CLNK: variants seen among roughly 807,000 people sequenced by gnomAD.
CLNK encodes cytokine dependent hematopoietic cell linker.
In CLNK, 74 loss-of-function variants were observed where a neutral mutation model predicts 68.6. The observed-to-expected ratio is 1.08, with a 90% CI of 0.89 to 1.31. The LOEUF (loss-of-function observed/expected upper bound fraction) is 1.31, where lower values mean the gene tolerates loss of function less well. Ranked by LOEUF, CLNK falls within the 50% of genes most tolerant of loss-of-function variation. The pLI is 0.00. For missense variants in CLNK, 553 were observed against 515.3 expected (o/e 1.07, Z -0.71); for synonymous variants, 198 against 172.2 (o/e 1.15, Z -1.17).
Position 10,489,898 on chromosome 4 carries a change from C to A in CLNK, c.*569G>T, listed in dbSNP as rs1716495248. ...AGCCAGGATGGTCTTGATCTCCTGACCTCGTGATCTGTCCACCTCAGCCTC... is the reference window on the plus strand; with the variant it reads ...AGCCAGGATGGTCTTGATCTCCTGAACTCGTGATCTGTCCACCTCAGCCTC... On this transcript the variant is annotated 3_prime_UTR_variant, in exon 19 of 19. Transcript: ENST00000226951. 6.6e-6 allele frequency: 1 copy of A among 152,344 alleles called. No individual in the cohort carries two copies. Among genetic ancestry groups the A allele is most frequent in the Non-Finnish European group, 1.5e-5 (1 of 68,264 alleles). The allele number at this position is 152,344 out of a possible 1,614,324, so 9.4% of individuals were successfully genotyped here.
intron 5 of CLNK, among the ~76,000 whole-genome samples, chr4:10,566,726 G>A (rs1432802197): frequency 6.6e-6 from 1 of 152,144 alleles, no homozygotes; most frequent in Non-Finnish European, 1.5e-5. Flanking sequence ...GCTCATGCTT[G>A]TAATCCCAGC....
At chr4:10,699,717 T>A in the CLNK span, among the ~76,000 whole-genome samples, 1 of 151,426 alleles carries the variant, frequency 6.6e-6, no homozygotes, top group African/African-American at 2.4e-5. Flanking sequence ...TTTCACCATG[T>A]GGGCCAGGCT....
At chr4:10,494,879 G>T (rs1047361543) in intron 18 of CLNK, among the ~76,000 whole-genome samples, 1 of 152,162 alleles carries the variant, frequency 6.6e-6, no homozygotes, top group South Asian at 2.1e-4. Flanking sequence ...TTTCCAGGGG[G>T]ACAACCAATG....
At chr4:10,691,412 A>G in the CLNK span, among the ~76,000 whole-genome samples, 1 of 152,288 alleles carries the variant, frequency 6.6e-6, no homozygotes, top group Non-Finnish European at 1.5e-5. Context: ...AGTCCTAACT[A>G]GGTGAAGTGA....
At chr4:10,678,735 G>A (rs1553866467) in intron 1 of CLNK, among the ~76,000 whole-genome samples, 1 of 152,008 alleles carries the variant, frequency 6.6e-6, no homozygotes, top group Non-Finnish European at 1.5e-5. Context: ...ACCAATAACA[G>A]ACAAACAGAG....
At chr4:10,563,610 T>C (rs1274138783) in intron 7 of CLNK, among the ~76,000 whole-genome samples, 1 of 152,116 alleles carries the variant, frequency 6.6e-6, no homozygotes, top group Non-Finnish European at 1.5e-5. Context: ...GATATCTGCA[T>C]AGAAAATACT....
the CLNK span, among the ~76,000 whole-genome samples, chr4:10,708,301 A>G: frequency 6.6e-6 from 1 of 152,188 alleles, no homozygotes; most frequent in Non-Finnish European, 1.5e-5. Context: ...AAAACTAACA[A>G]TATTTATTAT....
intron 17 of CLNK, among the ~76,000 whole-genome samples, chr4:10,503,579 C>T (rs1402886029): frequency 6.8e-6 from 1 of 147,468 alleles, no homozygotes; most frequent in Non-Finnish European, 1.5e-5. Context: ...TAATTATATA[C>T]TTCAATAATG....
At chr4:10,713,004 A>T in the CLNK span, among the ~76,000 whole-genome samples, 2 of 152,174 alleles carry the variant, frequency 1.3e-5, no homozygotes, top group Non-Finnish European at 2.9e-5. Flanking sequence ...CCACCAAGTT[A>T]TGCTTAAAAA....
chr4:10,645,723 T>C (rs759858190), intron 2 of CLNK, among the ~76,000 whole-genome samples: 5 of 152,118 alleles, frequency 3.3e-5, no homozygotes, highest in Non-Finnish European at 5.9e-5. Flanking sequence ...GGTTAATGGG[T>C]ACAAAAATAC....
intron 1 of CLNK, among the ~76,000 whole-genome samples, chr4:10,682,980 G>T (rs959114502): frequency 2.0e-5 from 3 of 152,170 alleles, no homozygotes; most frequent in African/African-American, 7.2e-5. Flanking sequence ...GATTTGGAGT[G>T]AGGAAAGGAA....
intron 2 of CLNK, among the ~76,000 whole-genome samples, chr4:10,648,806 T>G (rs899517614): frequency 1.3e-5 from 2 of 152,118 alleles, no homozygotes; most frequent in Admixed American, 1.3e-4. Context: ...ACTAATAAAA[T>G]TCTTCTCAAA....
chr4:10,627,450 A>G (rs1722717898), intron 2 of CLNK, among the ~76,000 whole-genome samples: 1 of 152,208 alleles, frequency 6.6e-6, no homozygotes, highest in African/African-American at 2.4e-5. Flanking sequence ...ATGGTTACTT[A>G]TTTAATATCA....
At chr4:10,734,440 T>C in the CLNK span, among the ~76,000 whole-genome samples, 3 of 152,332 alleles carry the variant, frequency 2.0e-5, no homozygotes, top group South Asian at 2.1e-4. Context: ...AGAATTCAGG[T>C]CACTTTTACT....
intron 4 of CLNK, among the ~76,000 whole-genome samples, chr4:10,578,571 T>A (rs924807992): frequency 1.4e-5 from 2 of 147,276 alleles, no homozygotes; most frequent in African/African-American, 5.0e-5. Flanking sequence ...GGACTTGGCT[T>A]ACCTTATCTT....
chr4:10,587,649 T>C (rs1274390690), intron 3 of CLNK, among the ~76,000 whole-genome samples: 5 of 152,226 alleles, frequency 3.3e-5, no homozygotes, highest in Admixed American at 2.0e-4. Context: ...TACTGCCTTC[T>C]GTTCACCATT....
the CLNK span, among the ~76,000 whole-genome samples, chr4:10,691,163 G>A: frequency 1.3e-5 from 2 of 152,030 alleles, no homozygotes; most frequent in African/African-American, 2.4e-5. Context: ...GGTCTAATAT[G>A]CATTAATAGG....
In CLNK at chr4:10,603,470, T is replaced by G. The variant is rs562801416; in HGVS notation, c.12-5421A>C. 6.6e-5 allele frequency among the ~76,000 whole-genome samples: 10 copies of G among 152,326 alleles called. No individual in the cohort carries two copies. The South Asian group carries it at 2.1e-3, about 32-fold the overall frequency. On this transcript the variant is annotated intron_variant, in intron 2 of 18. Transcript: ENST00000226951. ...CTCATCCTGCTGAGTTTTTTTTGCC[T>G]CATGTTCAGCACATGTCCCATCTCC...
At chr4:10,698,727 T>C in the CLNK span, among the ~76,000 whole-genome samples, 1 of 152,212 alleles carries the variant, frequency 6.6e-6, no homozygotes, top group Admixed American at 6.5e-5. Context: ...GTTAGTTTTA[T>C]GTGTCAACTT....
Sources: gnomAD v4.1 joint callset for allele counts (sites outside exome capture counted in the v4.1 genomes callset) on GRCh38, gnomAD v4.1.1 for gene constraint, MANE v1.5 for transcripts, NCBI Gene and HGNC (gene_info 2026-07-23, HGNC 2026-07-21) for gene names.